TUT7: variants seen among roughly 807,000 people sequenced by gnomAD.
TUT7 encodes terminal uridylyltransferase 7.
TUT7 carries 33 observed loss-of-function variants against 165.9 expected under a neutral mutation model. The ratio of observed to expected loss-of-function variants is 0.20; its 90% CI spans 0.15 to 0.27. The LOEUF is 0.27. Among genes scored for constraint, TUT7 ranks in the 10% least tolerant of loss-of-function variants. TUT7 has a pLI of 1.00. For synonymous variants in TUT7, 552 were observed against 608.1 expected, an observed-to-expected ratio of 0.91 and a Z score of 1.36; for missense variants, 1,338 against 1,762.3, an observed-to-expected ratio of 0.76 and a Z score of 4.31.
At chr9:86,353,455 A>G (rs1468475740) in intron 1 of TUT7, among the ~76,000 whole-genome samples, 2 of 152,164 alleles carry the variant, frequency 1.3e-5, no homozygotes, top group Non-Finnish European at 2.9e-5. Flanking sequence ...CTTACTATTT[A>G]GCATGAAGAT....
At position 86,311,329 on chromosome 9, in the gene TUT7, G is replaced by C. The variant is rs1033148835; in HGVS notation, c.3275-520C>G. Among the ~76,000 whole-genome samples, 1 of 152,170 alleles carries C rather than the reference G, an allele frequency of 6.6e-6. No individual in the cohort carries two copies. The highest frequency in any genetic ancestry group is 1.5e-5 in the Non-Finnish European group (1 of 68,032). Reference sequence around the variant, plus strand: ...ATTGCCTGAGCTAAGCTTTGAAAAAGAGGGAGAAAAACCAGCAAAAATAGT... The same window carrying C: ...ATTGCCTGAGCTAAGCTTTGAAAAACAGGGAGAAAAACCAGCAAAAATAGT... On this transcript the variant is annotated intron_variant, in intron 17 of 26. Coordinates refer to ENST00000375963, the MANE Select transcript of TUT7 (RefSeq NM_024617.4). This position sits in a 1 kb window ranked among gnomAD's most constrained non-coding sequence, Gnocchi z 4.4.
chr9:86,318,196 T>C (rs1828909047), intron 16 of TUT7, among the ~76,000 whole-genome samples: 1 of 152,252 alleles, frequency 6.6e-6, no homozygotes. Flanking sequence ...TCCTAGACTT[T>C]ATACCTTTAT....
intron 14 of TUT7, among the ~76,000 whole-genome samples, chr9:86,321,810 A>G (rs1478550118): frequency 6.6e-6 from 1 of 152,232 alleles, no homozygotes; most frequent in Non-Finnish European, 1.5e-5. Context: ...AAAAGGAAGT[A>G]CAGAAGGCAC....
intron 8 of TUT7, 133 bp downstream of exon 8, chr9:86,339,903 T>C: frequency 1.5e-6 from 1 of 658,396 alleles, no homozygotes; most frequent in Non-Finnish European, 2.7e-6. Flanking sequence ...ATAGGGAGAA[T>C]GTTAGTAGGA....
intron 26 of TUT7, among the ~76,000 whole-genome samples, chr9:86,299,040 C>T (rs1826634224): frequency 6.6e-6 from 1 of 152,104 alleles, no homozygotes; most frequent in African/African-American, 2.4e-5. Context: ...ACCACACCCG[C>T]GCAGGACAGA....
rs529118835 is a variant in TUT7 at position 86,311,810 on chromosome 9, C to T, written c.3275-1001G>A. Among the ~76,000 whole-genome samples, 1 of 152,324 alleles carries T rather than the reference C, an allele frequency of 6.6e-6. No individual in the cohort carries two copies. Among genetic ancestry groups the T allele is most frequent in the East Asian group, 1.9e-4 (1 of 5,178 alleles). On this transcript the variant is annotated intron_variant, in intron 17 of 26. Transcript: ENST00000375963. The surrounding 1 kb of genome is among the most constrained non-coding windows in gnomAD (Gnocchi z 4.4). Reference sequence around the variant, plus strand: ...GGTTTTCGTATTTTTTTGGTGGAGACGGGGTTTCGCTGTGTTGGCCGGGCT... The same window carrying T: ...GGTTTTCGTATTTTTTTGGTGGAGATGGGGTTTCGCTGTGTTGGCCGGGCT...
intron 18 of TUT7, 135 bp downstream of exon 18, chr9:86,310,571 C>T: frequency 1.6e-6 from 1 of 608,576 alleles, no homozygotes; most frequent in Non-Finnish European, 2.9e-6. Context: ...GCCAGGTTCA[C>T]AGCAAGTAAG....
At chr9:86,348,765 C>CA (rs1832006819) in intron 2 of TUT7, among the ~76,000 whole-genome samples, 1 of 151,038 alleles carries the variant, frequency 6.6e-6, no homozygotes, top group Admixed American at 6.6e-5. Flanking sequence ...AACAAACAAA[C>CA]AAAAAAAGGA....
chr9:86,318,293 A>G (rs1828917983), intron 16 of TUT7, among the ~76,000 whole-genome samples: 1 of 152,194 alleles, frequency 6.6e-6, no homozygotes. Flanking sequence ...GTCTCTTACA[A>G]CTACTAAACT....
rs1829533547 is a variant in TUT7 at position 86,323,674 on chromosome 9, T to C, written c.2076A>G (p.Val692=). Residue 692 remains valine (V), a synonymous_variant, in exon 13 of 27, where the codon GTA becomes GTG. Transcript: ENST00000375963. ...ATSSAANTCK[V]QPLTLKETAE... is the part of the protein sequence containing the mutation. The stretch of plus-strand genomic sequence containing the variant: ...CAGTCTCTTTAAGAGTAAGTGGCTG[T>C]ACCTTACAGGTATTTGCAGCTGAAC... 1 of 1,614,246 alleles carries C rather than the reference T, an allele frequency of 6.2e-7. No homozygotes were observed. Among genetic ancestry groups the C allele is most frequent in the Non-Finnish European group, 8.5e-7 (1 of 1,180,026 alleles).
At chr9:86,310,351 A>G (rs1208168650) in intron 18 of TUT7, among the ~76,000 whole-genome samples, 2 of 152,156 alleles carry the variant, frequency 1.3e-5, no homozygotes, top group Admixed American at 6.6e-5. Context: ...ACTAGATAAT[A>G]ATAAAGAATT....
rs1827751063 is a variant in TUT7 at position 86,308,682 on chromosome 9, G to A, written c.3661-76C>T. The A allele has an allele frequency of 3.2e-6, 4 of 1,252,144 alleles. No individual in the cohort carries two copies. The Admixed American group carries it at 7.9e-5, about 25-fold the overall frequency. 77.6% of individuals were successfully genotyped at this position (1,252,144 alleles called of 1,614,324 possible). On this transcript the variant is annotated intron_variant, in intron 21 of 26. Transcript: ENST00000375963. ...TATCAATATTCATTTGTATTTTAGG[G>A]AGTAAATTTGGATTTATTTCTAATT...
chr9:86,330,565 TA>T (rs1320369519), intron 10 of TUT7, among the ~76,000 whole-genome samples: 1 of 152,258 alleles, frequency 6.6e-6, no homozygotes, highest in Non-Finnish European at 1.5e-5. Flanking sequence ...TATTTAGTGA[TA>T]TTTTCTGAAG....
intron 12 of TUT7, chr9:86,324,326 C>T (rs1829593571): frequency 6.2e-6 from 1 of 161,012 alleles, no homozygotes; most frequent in Admixed American, 6.1e-5. Context: ...GCTCTGCCTC[C>T]CCACTCAGCC....
rs372831837 is a variant in TUT7, at chr9:86,351,217, C to A, written c.520+1463G>T. 5.3e-5 allele frequency among the ~76,000 whole-genome samples: 8 copies of A among 151,792 alleles called. No homozygotes were observed. In the South Asian group the frequency reaches 6.2e-4, roughly 12 times the overall value. ...TTGGGAGGCCAAGGTGGGTGGATCA[C>A]TGGAGGTTAGGAGTTTGAGACCAGT... On this transcript the variant is annotated intron_variant, in intron 2 of 26. Coordinates refer to ENST00000375963, the MANE Select transcript of TUT7 (RefSeq NM_024617.4).
chr9:86,290,564 C>G (rs1825818072), intron 26 of TUT7, among the ~76,000 whole-genome samples: 1 of 152,026 alleles, frequency 6.6e-6, no homozygotes, highest in African/African-American at 2.4e-5. Context: ...GGCTTTTCAG[C>G]CAGGCGGTGG....
chr9:86,301,933 C>T (rs1396511004), intron 25 of TUT7: 1 of 836,994 alleles, frequency 1.2e-6, no homozygotes, highest in African/African-American at 1.8e-5. Flanking sequence ...TCTTGAACGG[C>T]CTTTCTGGCA....
chr9:86,352,955 G>A lies in TUT7; in HGVS notation c.245C>T (p.Pro82Leu). 1 of 1,614,180 alleles carries A rather than the reference G, an allele frequency of 6.2e-7. No homozygotes were observed. The highest frequency in any genetic ancestry group is 8.5e-7 in the Non-Finnish European group (1 of 1,180,038). ...CATCCAAGCGGGTTGACTGTAGATTGGGTTTTTAAATGCATATGGATTGCT... is the reference window on the plus strand; with the variant it reads ...CATCCAAGCGGGTTGACTGTAGATTAGGTTTTTAAATGCATATGGATTGCT... ...VSSNPYAFKN[P>L]IYSQPAWMND... Residue 82 changes from proline to leucine, a missense_variant, in exon 2 of 27, where the codon CCA (proline) becomes CTA (leucine). Pro to Leu is a moderately conservative substitution (Grantham distance 98). Coordinates refer to ENST00000375963, the MANE Select transcript of TUT7 (RefSeq NM_024617.4).
At chr9:86,289,902 G>A (rs1825785199) in intron 26 of TUT7, among the ~76,000 whole-genome samples, 2 of 151,944 alleles carry the variant, frequency 1.3e-5, no homozygotes, top group African/African-American at 4.8e-5. Context: ...CAAAACTTAC[G>A]ATATGACCAA....
Sources: allele counts gnomAD v4.1 joint callset (sites outside exome capture counted in the v4.1 genomes callset), GRCh38; gene constraint gnomAD v4.1.1; non-coding constraint Gnocchi (gnomAD v3.1); transcripts MANE v1.5; gene names NCBI Gene and HGNC (gene_info 2026-07-23, HGNC 2026-07-21).